CHD7: variants seen among roughly 807,000 people sequenced by gnomAD.
CHD7 encodes the protein ATP-dependent chromatin remodeler CHD7.
In CHD7, 24 loss-of-function variants were observed where a neutral mutation model predicts 307.3. The observed-to-expected ratio is 0.08, with a 90% CI of 0.06 to 0.11. The LOEUF (loss-of-function observed/expected upper bound fraction) is 0.11, where lower values mean the gene tolerates loss of function less well. Ranked by LOEUF, CHD7 falls within the 10% of genes least tolerant of loss-of-function variation. The pLI, the probability that CHD7 is intolerant of heterozygous loss-of-function variation, is 1.00. For missense variants in CHD7, 3,106 were observed against 3,727.1 expected (o/e 0.83, Z 4.34); for synonymous variants, 1,363 against 1,349.9 (o/e 1.01, Z -0.21).
At chr8:60,763,797 C>A (rs1322345091) in intron 2 of CHD7, among the ~76,000 whole-genome samples, 1 of 152,086 alleles carries the variant, frequency 6.6e-6, no homozygotes, top group Non-Finnish European at 1.5e-5. Context: ...ACTTGGACAT[C>A]CTGTCACTAC....
intron 1 of CHD7, among the ~76,000 whole-genome samples, chr8:60,705,497 T>G (rs1806981538): frequency 6.6e-6 from 1 of 152,220 alleles, no homozygotes; most frequent in Non-Finnish European, 1.5e-5. Flanking sequence ...ACTTGTTACT[T>G]AGGGTTAAAT....
chr8:60,701,821 G>C (rs1806775736), intron 1 of CHD7, among the ~76,000 whole-genome samples: 1 of 152,102 alleles, frequency 6.6e-6, no homozygotes, highest in South Asian at 2.1e-4. Context: ...TTTTTGGGGA[G>C]AGGCAGCCAT....
At chr8:60,863,695 A>G (rs560034272) in intron 37 of CHD7, 7 of 150,194 alleles carry the variant, frequency 4.7e-5, no homozygotes, top group African/African-American at 1.7e-4. Context: ...ATATTATGTT[A>G]TACTATTTTA....
chr8:60,795,671 C>T (rs904817777), intron 4 of CHD7, among the ~76,000 whole-genome samples: 4 of 152,098 alleles, frequency 2.6e-5, no homozygotes, highest in Admixed American at 6.5e-5. Flanking sequence ...AATATTCTCC[C>T]GACTTTAGGA....
At chr8:60,720,355 G>A (rs1807835510) in intron 1 of CHD7, among the ~76,000 whole-genome samples, 2 of 152,308 alleles carry the variant, frequency 1.3e-5, no homozygotes, top group South Asian at 2.1e-4. Flanking sequence ...TATGGTAAAT[G>A]TTCCTGGATT....
chr8:60,842,774 A>G (rs553147686), intron 21 of CHD7, among the ~76,000 whole-genome samples: 3 of 152,276 alleles, frequency 2.0e-5, no homozygotes, highest in Admixed American at 6.5e-5. Flanking sequence ...ATGAATTACC[A>G]TTAGTTTCAG....
chr8:60,844,280 G>A (rs1805103379), intron 21 of CHD7, among the ~76,000 whole-genome samples: 1 of 152,178 alleles, frequency 6.6e-6, no homozygotes. Context: ...TTCTCATGAG[G>A]ACCTGAGGGT....
At chr8:60,736,230 C>A (rs1341940186) in intron 1 of CHD7, among the ~76,000 whole-genome samples, 1 of 152,154 alleles carries the variant, frequency 6.6e-6, no homozygotes, top group Non-Finnish European at 1.5e-5. Context: ...ATAGATGTCT[C>A]CTTCATCAGC....
intron 6 of CHD7, 27 bp from the exon 7 acceptor site, chr8:60,808,190 C>CA: frequency 6.6e-7 from 1 of 1,513,898 alleles, no homozygotes; most frequent in Non-Finnish European, 9.1e-7. Context: ...GTTTTAAATA[C>CA]ATGCCTGAAA....
At chr8:60,798,839 CA>C (rs1417823918) in intron 4 of CHD7, among the ~76,000 whole-genome samples, 1 of 152,144 alleles carries the variant, frequency 6.6e-6, no homozygotes, top group African/African-American at 2.4e-5. Flanking sequence ...ATTTGACATA[CA>C]TATATGAATA....
At position 60,778,908 on chromosome 8, in the gene CHD7, G is replaced by A. The variant is rs545639382; in HGVS notation, c.1666-2092G>A. Among the ~76,000 whole-genome samples, 28 of 152,224 alleles carry A rather than the reference G, an allele frequency of 1.8e-4. 1 individual carries two copies. The highest frequency in any genetic ancestry group is 3.1e-4 in the Non-Finnish European group (21 of 68,032). ...TCTGTTGATGTGTAAGAGTGTTTGTGAGGAAAGGATAGAGGGGCAGAGGGT... is the reference window on the plus strand; with the variant it reads ...TCTGTTGATGTGTAAGAGTGTTTGTAAGGAAAGGATAGAGGGGCAGAGGGT... On this transcript the variant is annotated intron_variant, in intron 2 of 37. Coordinates refer to ENST00000423902, the MANE Select transcript of CHD7 (RefSeq NM_017780.4).
chr8:60,778,175 C>T (rs988733120), intron 2 of CHD7, among the ~76,000 whole-genome samples: 3 of 152,094 alleles, frequency 2.0e-5, no homozygotes, highest in Non-Finnish European at 4.4e-5. Flanking sequence ...TTTTTCCCCA[C>T]ATGATTAAGG....
intron 1 of CHD7, among the ~76,000 whole-genome samples, chr8:60,712,946 G>C (rs1423298779): frequency 6.6e-6 from 1 of 151,700 alleles, no homozygotes; most frequent in Non-Finnish European, 1.5e-5. Flanking sequence ...AGCTACCTGG[G>C]GGGCTGAGAC....
At chr8:60,849,251 A>AGGATAGT in intron 25 of CHD7, 97 bp downstream of exon 25, 2 of 739,070 alleles carry the variant, frequency 2.7e-6, no homozygotes, top group South Asian at 4.2e-5. Flanking sequence ...AATATTAATG[A>AGGATAGT]GGATAGTTCC....
chr8:60,843,108 C>T (rs374770656), intron 21 of CHD7, among the ~76,000 whole-genome samples: 6 of 152,300 alleles, frequency 3.9e-5, no homozygotes, highest in East Asian at 1.9e-4. Context: ...ATTTTTGAGT[C>T]GCCTCCCTCT....
At chr8:60,827,480 A>G (rs1804306588) in intron 13 of CHD7, among the ~76,000 whole-genome samples, 1 of 152,202 alleles carries the variant, frequency 6.6e-6, no homozygotes, top group African/African-American at 2.4e-5. Flanking sequence ...GTTCTTGCAT[A>G]CAGTAATCCA....
chr8:60,712,621 C>G (rs565344571), intron 1 of CHD7, among the ~76,000 whole-genome samples: 14 of 152,258 alleles, frequency 9.2e-5, no homozygotes, highest in Middle Eastern at 3.4e-3. Context: ...AGTAGTATCA[C>G]TAAAAGGGAA....
chr8:60,812,621 G>T (rs1243388136), intron 7 of CHD7, among the ~76,000 whole-genome samples: 3 of 141,914 alleles, frequency 2.1e-5, no homozygotes, highest in Admixed American at 1.4e-4. Context: ...CCGAGATTGC[G>T]CCATTGCACT....
At chr8:60,857,862 T>G (rs1043064788) in intron 34 of CHD7, among the ~76,000 whole-genome samples, 8 of 152,274 alleles carry the variant, frequency 5.3e-5, no homozygotes, top group African/African-American at 1.9e-4. Context: ...AAGACATGGT[T>G]GAGTTAAAGT....
Sources: allele counts gnomAD v4.1 joint callset (sites outside exome capture counted in the v4.1 genomes callset), GRCh38; gene constraint gnomAD v4.1.1; transcripts MANE v1.5; gene names NCBI Gene and HGNC (gene_info 2026-07-23, HGNC 2026-07-21).